Variants in ROBO2 observed in about 807,000 individuals in gnomAD.
The protein encoded by ROBO2 is roundabout guidance receptor 2, also known as roundabout homolog 2.
ROBO2 carries 53 observed loss-of-function variants against 160.8 expected under a neutral mutation model. That is an observed-to-expected ratio of 0.33 (90% CI 0.26 to 0.41). The LOEUF (loss-of-function observed/expected upper bound fraction) is 0.41. Ranked by LOEUF, ROBO2 falls within the 10% of genes least tolerant of loss-of-function variation. ROBO2 has a pLI of 1.00. For missense variants in ROBO2, 1,577 were observed against 1,722.4 expected (o/e 0.92, Z 1.49); for synonymous variants, 664 against 611.7 (o/e 1.09, Z -1.26).
intron 2 of ROBO2, among the ~76,000 whole-genome samples, chr3:76,198,035 C>G (rs1333770271): frequency 6.6e-6 from 1 of 152,158 alleles, no homozygotes; most frequent in Non-Finnish European, 1.5e-5. Flanking sequence ...CAACTGTAAG[C>G]ACCCCAACCG....
At chr3:77,008,536 C>A (rs4257592) in intron 2 of ROBO2, among the ~76,000 whole-genome samples, 100,312 of 151,914 alleles carry the variant, frequency 0.66, 33,745 homozygotes, top group Non-Finnish European at 0.73. Flanking sequence ...AGGTTTGTTT[C>A]CTTTGTGGGT....
At chr3:77,189,527 C>T (rs888482075) in intron 2 of ROBO2, among the ~76,000 whole-genome samples, 6 of 151,812 alleles carry the variant, frequency 4.0e-5, no homozygotes, top group African/African-American at 1.4e-4. Flanking sequence ...AAACCTTGAA[C>T]ATGTCAGAAC....
intron 2 of ROBO2, among the ~76,000 whole-genome samples, chr3:76,189,691 A>G: frequency 6.6e-6 from 1 of 152,118 alleles, no homozygotes; most frequent in Non-Finnish European, 1.5e-5. Flanking sequence ...ATGCTCAGCA[A>G]GAGGTGAAAA....
chr3:77,270,855 A>G (rs2059440939), intron 2 of ROBO2, among the ~76,000 whole-genome samples: 1 of 152,034 alleles, frequency 6.6e-6, no homozygotes, highest in Admixed American at 6.6e-5. Context: ...AGGCAGCAGA[A>G]TCACTTGAAC....
intron 2 of ROBO2, among the ~76,000 whole-genome samples, chr3:76,623,934 A>C (rs950769198): frequency 2.6e-5 from 4 of 152,136 alleles, no homozygotes; most frequent in Non-Finnish European, 5.9e-5. Context: ...TTCTCATAAG[A>C]CTACATTTAG....
intron 19 of ROBO2, among the ~76,000 whole-genome samples, chr3:77,597,039 G>A (rs1292289133): frequency 6.6e-6 from 1 of 151,838 alleles, no homozygotes; most frequent in Non-Finnish European, 1.5e-5. Context: ...CAAGATTACT[G>A]AACTCAGAGA....
Position 77,027,878 on chromosome 3 carries a change from C to A in ROBO2, c.110-70136C>A, listed in dbSNP as rs4408903. 7.7e-3 allele frequency among the ~76,000 whole-genome samples: 1,165 copies of A among 152,096 alleles called. 12 individuals are homozygous for A. The highest frequency in any genetic ancestry group is 0.025 in the African/African-American group (1,048 of 41,470). ...CCAGATTGCATTGTGTCATACAAGA[C>A]AAAAGTGAAGCGGGTAGAAAGAAAT... On this transcript the variant is annotated intron_variant, in intron 2 of 26. Transcript: ENST00000487694.
At chr3:76,009,266 A>C (rs1262390484) in intron 2 of ROBO2, among the ~76,000 whole-genome samples, 2 of 151,976 alleles carry the variant, frequency 1.3e-5, no homozygotes, top group Admixed American at 6.6e-5. Context: ...CCACGCCCGG[A>C]TAATTTTTTC....
intron 12 of ROBO2, 44 bp from the exon 14 acceptor site, chr3:77,568,269 T>A (rs767790028): frequency 1.9e-6 from 3 of 1,606,716 alleles, no homozygotes; most frequent in African/African-American, 1.3e-5. Context: ...GTAATTTTAA[T>A]ATGAATTTTT....
intron 2 of ROBO2, among the ~76,000 whole-genome samples, chr3:77,370,295 C>T (rs1020738860): frequency 5.9e-5 from 9 of 152,120 alleles, no homozygotes; most frequent in African/African-American, 1.7e-4. Flanking sequence ...TTGCTTGAAA[C>T]GGAATTCACA....
intron 2 of ROBO2, among the ~76,000 whole-genome samples, chr3:77,151,286 T>C (rs984627990): frequency 6.6e-6 from 1 of 152,138 alleles, no homozygotes; most frequent in South Asian, 2.1e-4. Context: ...TACAAATATT[T>C]GTATACAAAT....
At chr3:76,167,698 T>C (rs1166205832) in intron 2 of ROBO2, among the ~76,000 whole-genome samples, 1 of 152,230 alleles carries the variant, frequency 6.6e-6, no homozygotes, top group Non-Finnish European at 1.5e-5. Context: ...TTATAGTATT[T>C]AGATTTTTTA....
chr3:77,635,300 A>G (rs2095245511), intron 24 of ROBO2, among the ~76,000 whole-genome samples: 1 of 151,120 alleles, frequency 6.6e-6, no homozygotes, highest in Admixed American at 6.6e-5. Flanking sequence ...CCATTCTGGC[A>G]TATTTCATAA....
intron 2 of ROBO2, among the ~76,000 whole-genome samples, chr3:76,739,241 C>A (rs1243068903): frequency 6.6e-6 from 1 of 151,998 alleles, no homozygotes; most frequent in African/African-American, 2.4e-5. Context: ...AAATGTCCAA[C>A]AATGATAGAC....
chr3:76,351,583 A>G (rs957432985), intron 2 of ROBO2, among the ~76,000 whole-genome samples: 7 of 151,988 alleles, frequency 4.6e-5, no homozygotes, highest in African/African-American at 1.7e-4. Context: ...CTGCCTCTAC[A>G]GTATAATATT....
At chr3:76,007,076 AATAC>A (rs1343012538) in intron 2 of ROBO2, among the ~76,000 whole-genome samples, 1 of 152,114 alleles carries the variant, frequency 6.6e-6, no homozygotes, top group African/African-American at 2.4e-5. Flanking sequence ...ATATTTTTCT[AATAC>A]ATGAAGTATG....
At chr3:77,292,066 G>A (rs2061354512) in intron 2 of ROBO2, among the ~76,000 whole-genome samples, 1 of 150,836 alleles carries the variant, frequency 6.6e-6, no homozygotes. Context: ...GCTGAGACTA[G>A]TTCACCCCAG....
intron 1 of ROBO2, among the ~76,000 whole-genome samples, chr3:77,064,258 A>T (rs1387105944): frequency 2.0e-4 from 31 of 152,174 alleles, no homozygotes; most frequent in Admixed American, 2.0e-3. Flanking sequence ...AAAGTTTGTA[A>T]GACAAAATTC....
intron 2 of ROBO2, among the ~76,000 whole-genome samples, chr3:76,031,341 G>A (rs2066912972): frequency 6.6e-6 from 1 of 152,078 alleles, no homozygotes; most frequent in African/African-American, 2.4e-5. Context: ...TTTCCTAATT[G>A]AATACCCTTT....
Sources: allele counts gnomAD v4.1 joint callset (sites outside exome capture counted in the v4.1 genomes callset), GRCh38; gene constraint gnomAD v4.1.1; transcripts MANE v1.5; gene names NCBI Gene and HGNC (gene_info 2026-07-23, HGNC 2026-07-21).